The following GALNT16 variants were observed in gnomAD, a reference collection of about 807,000 sequenced individuals.
GALNT16 encodes the protein polypeptide N-acetylgalactosaminyltransferase 16, also known as UDP-GalNAc:polypeptide N-acetylgalactosaminyltransferase-like protein 1.
In GALNT16, 40 loss-of-function variants were observed where a neutral mutation model predicts 76.1. That is an observed-to-expected ratio of 0.53 (90% CI 0.41 to 0.68). The LOEUF (loss-of-function observed/expected upper bound fraction) is 0.68. Ranked by LOEUF, GALNT16 falls within the 30% of genes least tolerant of loss-of-function variation. The pLI is 0.00. For missense variants in GALNT16, 621 were observed against 731.9 expected (o/e 0.85, Z 1.75); for synonymous variants, 276 against 285.2 (o/e 0.97, Z 0.32).
intron 1 of GALNT16, among the ~76,000 whole-genome samples, chr14:69,308,051 C>T (rs371127635): frequency 1.6e-4 from 24 of 152,284 alleles, no homozygotes; most frequent in African/African-American, 5.8e-4. Flanking sequence ...TTGCTCCTCT[C>T]CCTCCTCCAC....
intron 1 of GALNT16, among the ~76,000 whole-genome samples, chr14:69,292,542 C>G (rs2044699840): frequency 6.6e-6 from 1 of 152,254 alleles, no homozygotes; most frequent in Admixed American, 6.5e-5. Flanking sequence ...GAGTCTCCTT[C>G]CATACCCTTG....
chr14:69,284,372 C>T (rs905736704), intron 1 of GALNT16, among the ~76,000 whole-genome samples: 6 of 152,196 alleles, frequency 3.9e-5, no homozygotes, highest in African/African-American at 1.2e-4. Flanking sequence ...CTCCCAGCAG[C>T]GTGTCAGCTC....
At chr14:69,382,299 T>C in the GALNT16 span, among the ~76,000 whole-genome samples, 1 of 152,250 alleles carries the variant, frequency 6.6e-6, no homozygotes. Context: ...TAATTTTTTC[T>C]GAAAACTCTT....
chr14:69,344,445 C>T (rs886246075), intron 12 of GALNT16, among the ~76,000 whole-genome samples: 8 of 152,190 alleles, frequency 5.3e-5, no homozygotes, highest in Non-Finnish European at 1.0e-4. Flanking sequence ...GGGAATGGAT[C>T]TAATGGCAGC....
At chr14:69,307,692 G>T (rs1483883853) in intron 1 of GALNT16, among the ~76,000 whole-genome samples, 1 of 152,110 alleles carries the variant, frequency 6.6e-6, no homozygotes, top group Non-Finnish European at 1.5e-5. Flanking sequence ...TCCTTGCCCT[G>T]CCTGCCCACC....
intron 3 of GALNT16, 62 bp downstream of exon 3, chr14:69,324,852 G>A: frequency 6.2e-6 from 7 of 1,124,788 alleles, no homozygotes; most frequent in South Asian, 1.6e-5. Context: ...TTGGGATTGG[G>A]CGCTGTGGCC....
At chr14:69,308,897 C>A (rs2044976539) in intron 1 of GALNT16, among the ~76,000 whole-genome samples, 1 of 152,200 alleles carries the variant, frequency 6.6e-6, no homozygotes, top group Non-Finnish European at 1.5e-5. Flanking sequence ...GCTTCTATTT[C>A]TTCAAACTGT....
chr14:69,330,300 G>C (rs760943650), intron 6 of GALNT16, among the ~76,000 whole-genome samples: 1 of 152,114 alleles, frequency 6.6e-6, no homozygotes, highest in East Asian at 1.9e-4. Context: ...GAAAACCTAC[G>C]TGAAGTGAAA....
At chr14:69,341,087 A>C (rs892810795) in intron 11 of GALNT16, among the ~76,000 whole-genome samples, 1 of 152,106 alleles carries the variant, frequency 6.6e-6, no homozygotes, top group Non-Finnish European at 1.5e-5. Flanking sequence ...AGTGCTTCAC[A>C]CTTAATTCAC....
chr14:69,301,619 G>A (rs1175291104), intron 1 of GALNT16, among the ~76,000 whole-genome samples: 2 of 152,134 alleles, frequency 1.3e-5, no homozygotes, highest in East Asian at 3.9e-4. Context: ...GATTACAGGT[G>A]TGAACTACTG....
chr14:69,298,487 T>A (rs2044799513), intron 1 of GALNT16: 2 of 152,426 alleles, frequency 1.3e-5, no homozygotes, highest in African/African-American at 4.8e-5. Flanking sequence ...TCCAAATCTC[T>A]GCACTTCACA....
intron 12 of GALNT16, among the ~76,000 whole-genome samples, chr14:69,342,970 G>A (rs547169618): frequency 6.6e-6 from 1 of 152,298 alleles, no homozygotes; most frequent in African/African-American, 2.4e-5. Context: ...TAATTTTGTT[G>A]TATCTCCCTG....
chr14:69,380,166 T>C, the GALNT16 span: 1 of 168,084 alleles, frequency 5.9e-6, no homozygotes, highest in South Asian at 2.0e-4. Context: ...ACCAAGACTT[T>C]ATCTTGAGGA....
At chr14:69,292,816 A>T (rs2044704916) in intron 1 of GALNT16, among the ~76,000 whole-genome samples, 2 of 152,220 alleles carry the variant, frequency 1.3e-5, no homozygotes, top group South Asian at 2.1e-4. Context: ...CTCCAGGCTG[A>T]TGACAGGGTT....
chr14:69,333,788 C>A lies in GALNT16; in HGVS notation c.967+188C>A, dbSNP rs2045385844. The A allele has an allele frequency of 3.6e-6, 2 of 553,254 alleles. No homozygotes were observed. The highest frequency in any genetic ancestry group is 6.3e-6 in the Non-Finnish European group (2 of 316,644). 34.3% of individuals were successfully genotyped at this position (553,254 alleles called of 1,614,324 possible). A position where few individuals can be genotyped will look rare whatever the true frequency, so the allele number is the denominator to read the frequency against. The stretch of plus-strand genomic sequence containing the variant: ...ATTTTACTGATTTTAAAACCCAAGG[C>A]ACAGAGAAGTTAAGCAATTTGTCCA... On this transcript the variant is annotated intron_variant, in intron 9 of 14. Coordinates refer to ENST00000448469, the MANE Select transcript of GALNT16 (RefSeq NM_001168368.2). The surrounding 1 kb of genome is among the most constrained non-coding windows in gnomAD (Gnocchi z 4.2).
At chr14:69,273,105 C>T (rs1309208990) in intron 1 of GALNT16, among the ~76,000 whole-genome samples, 2 of 152,332 alleles carry the variant, frequency 1.3e-5, no homozygotes, top group Admixed American at 6.5e-5. Flanking sequence ...CACCATTATC[C>T]GTGAGCATGG....
chr14:69,281,163 G>A (rs1392337604), intron 1 of GALNT16, among the ~76,000 whole-genome samples: 4 of 152,138 alleles, frequency 2.6e-5, no homozygotes, highest in African/African-American at 9.7e-5. Flanking sequence ...GGTCCATCGT[G>A]AGCACCTGGG....
intron 1 of GALNT16, among the ~76,000 whole-genome samples, chr14:69,282,513 T>C (rs2044557390): frequency 6.6e-6 from 1 of 152,084 alleles, no homozygotes; most frequent in African/African-American, 2.4e-5. Context: ...ATGATCGCCC[T>C]TGGAAATGAT....
chr14:69,288,359 G>A lies in GALNT16; in HGVS notation c.177+27892G>A, dbSNP rs377350211. ...TGTTCTGCATTAAGGCAAACCAGAAGGCAGTTGGAACAGGTTGACAGCCTG... is the reference window on the plus strand; with the variant it reads ...TGTTCTGCATTAAGGCAAACCAGAAAGCAGTTGGAACAGGTTGACAGCCTG... On this transcript the variant is annotated intron_variant, in intron 1 of 14. Coordinates refer to ENST00000448469, the MANE Select transcript of GALNT16 (RefSeq NM_001168368.2). 3.3e-5 allele frequency among the ~76,000 whole-genome samples: 5 copies of A among 152,330 alleles called. No individual in the cohort carries two copies. The East Asian group carries it at 5.8e-4, about 18-fold the overall frequency.
Sources: allele counts gnomAD v4.1 joint callset (sites outside exome capture counted in the v4.1 genomes callset), GRCh38; gene constraint gnomAD v4.1.1; non-coding constraint Gnocchi (gnomAD v3.1); transcripts MANE v1.5; gene names NCBI Gene and HGNC (gene_info 2026-07-23, HGNC 2026-07-21).